The following SPMIP3 variants were observed in gnomAD, a reference collection of about 807,000 sequenced individuals.
The protein encoded by SPMIP3 is sperm microtubule inner protein 3.
the SPMIP3 span, among the ~76,000 whole-genome samples, chr1:244,368,613 A>T: frequency 1.3e-5 from 2 of 152,222 alleles, no homozygotes; most frequent in African/African-American, 4.8e-5. Context: ...TAGGCCCTGT[A>T]GGCACGGTTG....
At chr1:244,375,620 A>C in the SPMIP3 span, 1 of 513,486 alleles carries the variant, frequency 1.9e-6, no homozygotes, top group East Asian at 3.2e-5. Flanking sequence ...AATATACCAA[A>C]CTGTTAATGT....
At chr1:244,372,607 C>T in the SPMIP3 span, among the ~76,000 whole-genome samples, 4 of 152,076 alleles carry the variant, frequency 2.6e-5, no homozygotes, top group East Asian at 1.9e-4. Context: ...CCACACCTGG[C>T]TAATTTTTTG....
chr1:244,358,482 G>A, the SPMIP3 span, among the ~76,000 whole-genome samples: 1 of 151,846 alleles, frequency 6.6e-6, no homozygotes, highest in Non-Finnish European at 1.5e-5. Flanking sequence ...CTAGTCAGGA[G>A]GCTGAGGCAT....
the SPMIP3 span, among the ~76,000 whole-genome samples, chr1:244,373,894 A>G: frequency 1.3e-5 from 2 of 152,038 alleles, no homozygotes; most frequent in South Asian, 4.2e-4. Context: ...TGGGCGGATC[A>G]CTTGAGGCCA....
chr1:244,354,652 T>C, the SPMIP3 span, among the ~76,000 whole-genome samples: 4 of 152,320 alleles, frequency 2.6e-5, no homozygotes, highest in Admixed American at 2.0e-4. Context: ...TAAGCCACCA[T>C]GGCTGGCCTG....
At chr1:244,376,393 G>A in the SPMIP3 span, 6 of 152,114 alleles carry the variant, frequency 3.9e-5, no homozygotes, top group East Asian at 3.8e-4. Context: ...CTACTCACTC[G>A]TTTAGATTTA....
At chr1:244,360,584 A>G in the SPMIP3 span, among the ~76,000 whole-genome samples, 1 of 151,596 alleles carries the variant, frequency 6.6e-6, no homozygotes, top group African/African-American at 2.4e-5. Context: ...TTATTCAGCC[A>G]TAAAAAAGCA....
At chr1:244,364,598 T>C in the SPMIP3 span, 4 of 1,103,326 alleles carry the variant, frequency 3.6e-6, no homozygotes, top group Middle Eastern at 2.0e-4. Context: ...CTGATTTCTT[T>C]CAAGATGGAC....
At chr1:244,373,335 TATATA>T in the SPMIP3 span, among the ~76,000 whole-genome samples, 7 of 120,270 alleles carry the variant, frequency 5.8e-5, no homozygotes, top group East Asian at 1.3e-3. Context: ...AAAAAAATTA[TATATA>T]TATATATATG....
chr1:244,356,918 C>CTTTTT, the SPMIP3 span, among the ~76,000 whole-genome samples: 2 of 103,768 alleles, frequency 1.9e-5, no homozygotes, highest in Non-Finnish European at 1.8e-5. Flanking sequence ...TTTTCTTTTC[C>CTTTTT]TTTTTTTTTT....
the SPMIP3 span, among the ~76,000 whole-genome samples, chr1:244,367,451 G>C: frequency 1.3e-5 from 2 of 152,172 alleles, no homozygotes; most frequent in Non-Finnish European, 2.9e-5. Flanking sequence ...ATCCAGCCTG[G>C]AGGGGGAATG....
the SPMIP3 span, among the ~76,000 whole-genome samples, chr1:244,360,507 T>TAC: frequency 0.062 from 802 of 12,836 alleles, 26 homozygotes; most frequent in Middle Eastern, 0.36. Flanking sequence ...GAAAACGTGA[T>TAC]ATACACACAC....
the SPMIP3 span, among the ~76,000 whole-genome samples, chr1:244,373,332 T>TTTTATATA: frequency 0.026 from 2,234 of 85,170 alleles, 358 homozygotes; most frequent in Middle Eastern, 0.055. Flanking sequence ...CAAAAAAAAA[T>TTTTATATA]TATATATATA....
At chr1:244,370,674 C>T in the SPMIP3 span, among the ~76,000 whole-genome samples, 1 of 152,178 alleles carries the variant, frequency 6.6e-6, no homozygotes, top group South Asian at 2.1e-4. Flanking sequence ...TGTCTATTTG[C>T]TGTCTGCCCC....
chr1:244,362,616 A>G, the SPMIP3 span, among the ~76,000 whole-genome samples: 1 of 152,052 alleles, frequency 6.6e-6, no homozygotes, highest in African/African-American at 2.4e-5. Flanking sequence ...AGCTATTGTA[A>G]TCAATGTGGA....
the SPMIP3 span, among the ~76,000 whole-genome samples, chr1:244,353,463 C>A: frequency 1.3e-5 from 2 of 152,126 alleles, no homozygotes; most frequent in South Asian, 4.2e-4. Flanking sequence ...TTATCCAAAG[C>A]CTGGTGGAGA....
At chr1:244,354,686 CT>C in the SPMIP3 span, among the ~76,000 whole-genome samples, 1 of 152,168 alleles carries the variant, frequency 6.6e-6, no homozygotes, top group African/African-American at 2.4e-5. Context: ...TTTAAAAATT[CT>C]TTCCTATCAT....
At chr1:244,363,475 G>T in the SPMIP3 span, among the ~76,000 whole-genome samples, 1 of 152,128 alleles carries the variant, frequency 6.6e-6, no homozygotes, top group Non-Finnish European at 1.5e-5. Flanking sequence ...TTAGTCTAGG[G>T]TCAGTGGGGA....
the SPMIP3 span, among the ~76,000 whole-genome samples, chr1:244,355,780 T>A: frequency 1.3e-5 from 2 of 152,240 alleles, no homozygotes; most frequent in Non-Finnish European, 2.9e-5. Flanking sequence ...TGAATTGTGA[T>A]CTTTATTATA....
Sources: gnomAD v4.1 joint callset for allele counts (sites outside exome capture counted in the v4.1 genomes callset) on GRCh38, gnomAD v4.1.1 for gene constraint, MANE v1.5 for transcripts, NCBI Gene and HGNC (gene_info 2026-07-23, HGNC 2026-07-21) for gene names.